FANK1: variants seen among roughly 807,000 people sequenced by gnomAD.
FANK1 encodes fibronectin type III and ankyrin repeat domains 1.
FANK1 carries 44 observed loss-of-function variants against 45.3 expected under a neutral mutation model. That is an observed-to-expected ratio of 0.97 (90% CI 0.76 to 1.25). FANK1 has a LOEUF of 1.25. Ranked by LOEUF, FANK1 falls within the 50% of genes most tolerant of loss-of-function variation. FANK1 has a pLI of 0.00. For missense variants in FANK1, 391 were observed against 424.4 expected (o/e 0.92, Z 0.69); for synonymous variants, 149 against 152.5 (o/e 0.98, Z 0.17).
intron 3 of FANK1, among the ~76,000 whole-genome samples, chr10:125,992,195 AT>A (rs572604951): frequency 1.7e-3 from 258 of 152,346 alleles, no homozygotes; most frequent in Non-Finnish European, 3.2e-3. Context: ...TCACCCTGGA[AT>A]TTCCTCTCTG....
At chr10:125,904,048 G>A (rs1292660825) in intron 1 of FANK1, among the ~76,000 whole-genome samples, 3 of 151,806 alleles carry the variant, frequency 2.0e-5, no homozygotes, top group Non-Finnish European at 4.4e-5. Context: ...TTTTGAACTG[G>A]AGTCTCTCTT....
intron 1 of FANK1, among the ~76,000 whole-genome samples, chr10:125,943,476 T>A (rs907900763): frequency 1.3e-5 from 2 of 152,190 alleles, no homozygotes; most frequent in Non-Finnish European, 2.9e-5. Context: ...AGAAATCTCA[T>A]AACCATTAGA....
chr10:125,908,176 A>G (rs767982210), intron 1 of FANK1, among the ~76,000 whole-genome samples: 1 of 151,938 alleles, frequency 6.6e-6, no homozygotes, highest in Non-Finnish European at 1.5e-5. Flanking sequence ...TTGTATTTTT[A>G]GTAGAGATAA....
At chr10:126,004,146 C>CT (rs1952991117) in intron 6 of FANK1, 1 of 130,502 alleles carries the variant, frequency 7.7e-6, no homozygotes, top group African/African-American at 2.9e-5. Context: ...TGGGGATGGA[C>CT]TACATTTTAT....
intron 1 of FANK1, among the ~76,000 whole-genome samples, chr10:125,913,292 A>G (rs1479117544): frequency 1.3e-5 from 2 of 151,752 alleles, no homozygotes; most frequent in Non-Finnish European, 2.9e-5. Context: ...TGACACCCAA[A>G]CTCATTCTGC....
chr10:125,950,007 C>G, intron 1 of FANK1, among the ~76,000 whole-genome samples: 1 of 121,154 alleles, frequency 8.3e-6, no homozygotes, highest in Non-Finnish European at 1.8e-5. Flanking sequence ...GAAAAACAAG[C>G]AATGGGGAAA....
At chr10:125,900,712 C>T (rs1589754323) in intron 1 of FANK1, among the ~76,000 whole-genome samples, 1 of 152,202 alleles carries the variant, frequency 6.6e-6, no homozygotes, top group South Asian at 2.1e-4. Context: ...AGTGTGGTGG[C>T]ACTAGCTTGG....
At chr10:125,964,135 C>T (rs1950078970) in intron 1 of FANK1, among the ~76,000 whole-genome samples, 1 of 148,178 alleles carries the variant, frequency 6.7e-6, no homozygotes, top group South Asian at 2.1e-4. Context: ...CTTCCTCTGT[C>T]TGTGATATAG....
At chr10:125,948,746 G>T (rs564030244) in intron 1 of FANK1, among the ~76,000 whole-genome samples, 77 of 151,854 alleles carry the variant, frequency 5.1e-4, no homozygotes, top group African/African-American at 1.8e-3. Context: ...GAAAAAGAGG[G>T]AATCCTCCCT....
chr10:126,003,512 G>A (rs1462294571), intron 6 of FANK1, among the ~76,000 whole-genome samples: 3 of 152,132 alleles, frequency 2.0e-5, no homozygotes, highest in Admixed American at 2.0e-4. Context: ...GATGCAGGTT[G>A]TCTCACAGGT....
At chr10:125,950,019 G>T (rs1417214746) in intron 1 of FANK1, among the ~76,000 whole-genome samples, 1 of 126,816 alleles carries the variant, frequency 7.9e-6, no homozygotes, top group East Asian at 2.4e-4. Flanking sequence ...ATGGGGAAAG[G>T]ATTCCCTATT....
intron 1 of FANK1, among the ~76,000 whole-genome samples, chr10:125,899,707 G>T (rs1944880243): frequency 6.6e-6 from 1 of 152,192 alleles, no homozygotes; most frequent in African/African-American, 2.4e-5. Context: ...TACAGACGTG[G>T]CATCAAGTAT....
At chr10:125,912,636 T>G (rs2134117153) in intron 1 of FANK1, among the ~76,000 whole-genome samples, 1 of 152,338 alleles carries the variant, frequency 6.6e-6, no homozygotes, top group South Asian at 2.1e-4. Context: ...TTACCTTTGT[T>G]TTTATTTTAT....
At chr10:126,003,915 A>G (rs1327351197) in intron 6 of FANK1, among the ~76,000 whole-genome samples, 1 of 152,124 alleles carries the variant, frequency 6.6e-6, no homozygotes, top group South Asian at 2.1e-4. Context: ...AGCTTAGGCA[A>G]TCCACCCACC....
chr10:125,960,339 A>C, intron 1 of FANK1: 1 of 228,272 alleles, frequency 4.4e-6, no homozygotes, highest in Non-Finnish European at 8.9e-6. Context: ...GATCCTCTCC[A>C]CGCCGACCTG....
At chr10:125,919,420 G>A (rs1235858186) in intron 1 of FANK1, among the ~76,000 whole-genome samples, 1 of 151,906 alleles carries the variant, frequency 6.6e-6, no homozygotes, top group South Asian at 2.1e-4. Context: ...TGGCCAGGCT[G>A]GTCTTGAACT....
intron 1 of FANK1, among the ~76,000 whole-genome samples, chr10:125,922,258 C>T (rs557259574): frequency 2.8e-4 from 43 of 152,226 alleles, no homozygotes; most frequent in South Asian, 2.1e-4. Flanking sequence ...TTAATTCTGT[C>T]GTCAGAGAAA....
intron 3 of FANK1, among the ~76,000 whole-genome samples, chr10:125,989,608 A>G (rs1951793412): frequency 1.3e-5 from 2 of 152,234 alleles, no homozygotes; most frequent in Admixed American, 1.3e-4. Context: ...TGAGTTTAGC[A>G]AACTGGGAGT....
At chr10:125,953,249 CT>C (rs1359487123) in intron 1 of FANK1, among the ~76,000 whole-genome samples, 1 of 152,142 alleles carries the variant, frequency 6.6e-6, no homozygotes, top group Non-Finnish European at 1.5e-5. Flanking sequence ...GTGAAGGCCC[CT>C]CTGTTTGTGC....
Sources: allele counts gnomAD v4.1 joint callset (sites outside exome capture counted in the v4.1 genomes callset), GRCh38; gene constraint gnomAD v4.1.1; transcripts MANE v1.5; gene names NCBI Gene and HGNC (gene_info 2026-07-23, HGNC 2026-07-21).